Variants in RGS6 observed in about 807,000 individuals in gnomAD.
RGS6 encodes regulator of G protein signaling 6.
In RGS6, 30 loss-of-function variants were observed where a neutral mutation model predicts 78.5. The ratio of observed to expected loss-of-function variants is 0.38; its 90% CI spans 0.29 to 0.52. The LOEUF is 0.52. RGS6 is among the 20% of genes least tolerant of loss of function. The pLI, the probability that RGS6 is intolerant of heterozygous loss-of-function variation, is 0.85. For missense variants in RGS6, 495 were observed against 609.7 expected, an observed-to-expected ratio of 0.81 and a Z score of 1.98; for synonymous variants, 206 against 206.0, an observed-to-expected ratio of 1.00 and a Z score of 0.00.
intron 2 of RGS6, among the ~76,000 whole-genome samples, chr14:72,288,777 G>A (rs2063051326): frequency 6.6e-6 from 1 of 152,166 alleles, no homozygotes; most frequent in South Asian, 2.1e-4. Flanking sequence ...CCAGAGAGCT[G>A]TCCCCTTGAA....
intron 2 of RGS6, among the ~76,000 whole-genome samples, chr14:72,186,254 G>A (rs149645): frequency 0.18 from 27,774 of 152,136 alleles, 2,756 homozygotes; most frequent in East Asian, 0.35. Context: ...GACAAAATCT[G>A]TCTGCTATCC....
In RGS6 at chr14:72,272,718, C is replaced by T. The variant is rs141206327; in HGVS notation, c.85-79377C>T. Among the ~76,000 whole-genome samples the T allele has an allele frequency of 2.4e-4, 36 of 152,318 alleles. 1 individual carries two copies. In the East Asian group the frequency reaches 6.8e-3, roughly 29 times the overall value. ...TCACTACCAGTCTTTTCTCCCCCTA[C>T]ATTGGAAATTATGCCAAAAGAGTAA... On this transcript the variant is annotated intron_variant, in intron 2 of 17. Coordinates refer to ENST00000553525, the MANE Select transcript of RGS6 (RefSeq NM_001204424.2).
intron 2 of RGS6, among the ~76,000 whole-genome samples, chr14:72,057,574 G>A (rs922090662): frequency 6.6e-6 from 1 of 152,080 alleles, no homozygotes; most frequent in East Asian, 1.9e-4. Context: ...GATGATACTC[G>A]CTGCTGAGAT....
At chr14:72,269,141 C>A (rs1280309369) in intron 2 of RGS6, among the ~76,000 whole-genome samples, 1 of 151,726 alleles carries the variant, frequency 6.6e-6, no homozygotes, top group African/African-American at 2.4e-5. Context: ...TCCGCCCCCC[C>A]ACCACCCACC....
At chr14:72,085,333 C>A (rs956697750) in intron 2 of RGS6, among the ~76,000 whole-genome samples, 7 of 152,122 alleles carry the variant, frequency 4.6e-5, no homozygotes, top group African/African-American at 1.2e-4. Context: ...TGTGGTCCAG[C>A]GAGGTTAAGT....
chr14:71,874,149 T>C, the RGS6 span, among the ~76,000 whole-genome samples: 1 of 152,158 alleles, frequency 6.6e-6, no homozygotes, highest in Non-Finnish European at 1.5e-5. Flanking sequence ...CCATATGAAC[T>C]TTAAAGTAGT....
At chr14:72,223,069 C>T (rs532864069) in intron 2 of RGS6, among the ~76,000 whole-genome samples, 7 of 152,260 alleles carry the variant, frequency 4.6e-5, no homozygotes, top group East Asian at 3.9e-4. Context: ...CTAATTAAAA[C>T]GCCTTAGAAT....
At chr14:72,310,291 C>G (rs1292622075) in intron 2 of RGS6, among the ~76,000 whole-genome samples, 1 of 152,230 alleles carries the variant, frequency 6.6e-6, no homozygotes. Context: ...AGCCGCTGGT[C>G]TTGAGGAGGG....
At chr14:71,911,230 A>G in the RGS6 span, among the ~76,000 whole-genome samples, 1 of 152,340 alleles carries the variant, frequency 6.6e-6, no homozygotes, top group Middle Eastern at 3.4e-3. Flanking sequence ...TCTTCTGACC[A>G]CAATGGCTTA....
In RGS6 at chr14:72,158,561, A is replaced by C. The variant is rs540130628; in HGVS notation, c.85-193534A>C. 4.7e-4 allele frequency among the ~76,000 whole-genome samples: 72 copies of C among 152,220 alleles called. 1 individual carries two copies. Among genetic ancestry groups the C allele is most frequent in the African/African-American group, 1.7e-3 (70 of 41,558 alleles). On this transcript the variant is annotated intron_variant, in intron 2 of 17. Coordinates refer to ENST00000553525, the MANE Select transcript of RGS6 (RefSeq NM_001204424.2). ...TTTAAGGGGTATTTCAAGACCCAGCAACCCCCTTCTCCACCCACCATCTCC... is the reference window on the plus strand; with the variant it reads ...TTTAAGGGGTATTTCAAGACCCAGCCACCCCCTTCTCCACCCACCATCTCC...
the RGS6 span, among the ~76,000 whole-genome samples, chr14:71,905,426 A>G: frequency 6.6e-6 from 1 of 152,190 alleles, no homozygotes; most frequent in East Asian, 1.9e-4. Context: ...CAATTCAGAA[A>G]CTGAAAATGT....
chr14:72,368,793 A>G (rs1189324641), intron 3 of RGS6, among the ~76,000 whole-genome samples: 1 of 152,214 alleles, frequency 6.6e-6, no homozygotes, highest in Non-Finnish European at 1.5e-5. Context: ...AAATAGAGAT[A>G]ATTTGTTGGA....
At chr14:72,250,330 C>A (rs891860292) in intron 2 of RGS6, among the ~76,000 whole-genome samples, 5 of 144,654 alleles carry the variant, frequency 3.5e-5, no homozygotes, top group Admixed American at 1.4e-4. Context: ...TAGAAGCCTT[C>A]TTCCTTGAAT....
intron 2 of RGS6, among the ~76,000 whole-genome samples, chr14:72,325,236 G>A (rs1156412939): frequency 6.6e-6 from 1 of 152,154 alleles, no homozygotes; most frequent in Non-Finnish European, 1.5e-5. Flanking sequence ...TAAGTTCTTT[G>A]TAGATTCTGG....
At chr14:72,579,275 G>A in the RGS6 span, among the ~76,000 whole-genome samples, 2 of 152,184 alleles carry the variant, frequency 1.3e-5, no homozygotes, top group Admixed American at 1.3e-4. Context: ...ATAGTTCAGG[G>A]CCTCTAAATG....
chr14:72,378,714 A>T (rs1566671311), intron 3 of RGS6, among the ~76,000 whole-genome samples: 1 of 152,182 alleles, frequency 6.6e-6, no homozygotes, highest in Non-Finnish European at 1.5e-5. Flanking sequence ...TTCCCAAAAA[A>T]GAAAAGCCCA....
intron 2 of RGS6, among the ~76,000 whole-genome samples, chr14:72,304,033 C>G (rs2066688597): frequency 6.6e-6 from 1 of 152,210 alleles, no homozygotes; most frequent in Admixed American, 6.5e-5. Context: ...CTCAACCTAA[C>G]AGGTTTCACC....
At chr14:72,617,627 G>A in the RGS6 span, among the ~76,000 whole-genome samples, 2 of 152,206 alleles carry the variant, frequency 1.3e-5, no homozygotes, top group Non-Finnish European at 2.9e-5. Context: ...TCACTCTGCT[G>A]AAGCGTGGGG....
intron 2 of RGS6, among the ~76,000 whole-genome samples, chr14:72,157,701 T>C (rs1015134495): frequency 9.9e-5 from 15 of 152,136 alleles, no homozygotes; most frequent in African/African-American, 3.6e-4. Flanking sequence ...AGAGGTATTT[T>C]GGGAAAATGC....
Sources: allele counts gnomAD v4.1 joint callset (sites outside exome capture counted in the v4.1 genomes callset), GRCh38; gene constraint gnomAD v4.1.1; transcripts MANE v1.5; gene names NCBI Gene and HGNC (gene_info 2026-07-23, HGNC 2026-07-21).